SPAG16: variants seen among roughly 807,000 people sequenced by gnomAD.
SPAG16 encodes sperm associated antigen 16.
Under a neutral mutation model 80.4 loss-of-function variants are expected in SPAG16, and 86 were observed. The ratio of observed to expected loss-of-function variants is 1.07; its 90% CI spans 0.90 to 1.28. The LOEUF is 1.28. Among genes scored for constraint, SPAG16 ranks in the 50% most tolerant of loss-of-function variants. The probability of loss-of-function intolerance (pLI) is 0.00; values close to 1 mark genes in which losing one functional copy is unlikely to be tolerated. For missense variants in SPAG16, 870 were observed against 765.3 expected (o/e 1.14, Z -1.61); for synonymous variants, 294 against 265.9 (o/e 1.11, Z -1.03).
At chr2:213,587,497 C>T (rs1302573092) in intron 10 of SPAG16, among the ~76,000 whole-genome samples, 1 of 152,192 alleles carries the variant, frequency 6.6e-6, no homozygotes, top group Non-Finnish European at 1.5e-5. Context: ...TACTCTGGCC[C>T]TGTGATAGGA....
At chr2:213,392,773 G>A (rs1304689850) in intron 9 of SPAG16, among the ~76,000 whole-genome samples, 2 of 151,948 alleles carry the variant, frequency 1.3e-5, no homozygotes, top group East Asian at 1.9e-4. Flanking sequence ...TTGAACCCGG[G>A]AGGCAGAGGC....
At chr2:214,367,250 A>T (rs899969791) in intron 15 of SPAG16, among the ~76,000 whole-genome samples, 9 of 152,238 alleles carry the variant, frequency 5.9e-5, no homozygotes, top group African/African-American at 2.2e-4. Context: ...TCAAGAGTGG[A>T]AAGTTTGGAA....
chr2:214,362,438 G>C (rs1017459435), intron 15 of SPAG16, among the ~76,000 whole-genome samples: 1 of 151,884 alleles, frequency 6.6e-6, no homozygotes, highest in Non-Finnish European at 1.5e-5. Flanking sequence ...GAAAGATAAT[G>C]AACGTATATC....
chr2:213,757,664 A>G (rs2068418427), intron 10 of SPAG16, among the ~76,000 whole-genome samples: 1 of 152,080 alleles, frequency 6.6e-6, no homozygotes, highest in South Asian at 2.1e-4. Context: ...ATTTCAGTCA[A>G]TTTCAGCACT....
chr2:213,804,402 G>GC (rs2071610269), intron 10 of SPAG16, among the ~76,000 whole-genome samples: 1 of 152,178 alleles, frequency 6.6e-6, no homozygotes, highest in African/African-American at 2.4e-5. Flanking sequence ...ACATTATAAG[G>GC]GCCGGGCACT....
chr2:213,824,251 T>C (rs918927402), intron 10 of SPAG16, among the ~76,000 whole-genome samples: 3 of 152,342 alleles, frequency 2.0e-5, no homozygotes, highest in East Asian at 3.9e-4. Context: ...CTGAGGTCTC[T>C]GTTCAGCTAT....
intron 15 of SPAG16, among the ~76,000 whole-genome samples, chr2:214,252,067 T>C (rs943934350): frequency 5.3e-5 from 8 of 152,076 alleles, no homozygotes; most frequent in African/African-American, 1.4e-4. Flanking sequence ...TTATGTCTGG[T>C]CATAAAAATA....
At chr2:214,312,681 T>C (rs1293561628) in intron 15 of SPAG16, among the ~76,000 whole-genome samples, 2 of 152,152 alleles carry the variant, frequency 1.3e-5, no homozygotes, top group Non-Finnish European at 2.9e-5. Flanking sequence ...TATCACCTTA[T>C]GTATGGGGAG....
At chr2:214,124,792 T>A (rs959312968) in intron 14 of SPAG16, among the ~76,000 whole-genome samples, 1 of 151,790 alleles carries the variant, frequency 6.6e-6, no homozygotes. Context: ...GTATACCAAG[T>A]GGCTCTGCAG....
chr2:214,269,822 C>G (rs1375976273), intron 15 of SPAG16, among the ~76,000 whole-genome samples: 4 of 152,064 alleles, frequency 2.6e-5, no homozygotes, highest in Non-Finnish European at 5.9e-5. Context: ...TAAGCTGAAA[C>G]CAGAAGTCCA....
chr2:213,710,579 A>G (rs2065940363), intron 10 of SPAG16, among the ~76,000 whole-genome samples: 1 of 152,174 alleles, frequency 6.6e-6, no homozygotes, highest in South Asian at 2.1e-4. Context: ...ACTCTGAAAA[A>G]TTACTCTTAC....
At chr2:214,021,996 A>G (rs1308000224) in intron 13 of SPAG16, among the ~76,000 whole-genome samples, 1 of 151,976 alleles carries the variant, frequency 6.6e-6, no homozygotes, top group Non-Finnish European at 1.5e-5. Flanking sequence ...GGTTCACTTC[A>G]CCTTCCCTCC....
At chr2:213,791,202 T>C (rs972030097) in intron 10 of SPAG16, among the ~76,000 whole-genome samples, 4 of 152,054 alleles carry the variant, frequency 2.6e-5, no homozygotes, top group African/African-American at 9.7e-5. Flanking sequence ...TCAAGGCTTC[T>C]TTACAAATCC....
intron 10 of SPAG16, among the ~76,000 whole-genome samples, chr2:213,833,392 TGTGTGTGA>T (rs1350972153): frequency 1.8e-5 from 2 of 110,724 alleles, no homozygotes; most frequent in African/African-American, 7.1e-5. Flanking sequence ...GCATGAGGCA[TGTGTGTGA>T]ATGTGTGTGT....
In SPAG16 at chr2:214,400,853, T is replaced by G. The variant is rs752983408; in HGVS notation, c.1721-9287T>G. ...TTCCCTTCCTTCTCTGTTACCATTT[T>G]TGTGATATGAACTTCTACCAAGATA... On this transcript the variant is annotated intron_variant, in intron 15 of 15. Coordinates refer to ENST00000331683, the MANE Select transcript of SPAG16 (RefSeq NM_024532.5). 2.6e-5 allele frequency among the ~76,000 whole-genome samples: 4 copies of G among 152,150 alleles called. No individual in the cohort carries two copies. In the South Asian group the frequency reaches 6.2e-4, roughly 24 times the overall value.
chr2:214,089,444 T>C (rs888164421), intron 13 of SPAG16, among the ~76,000 whole-genome samples: 19 of 152,076 alleles, frequency 1.2e-4, no homozygotes, highest in African/African-American at 4.3e-4. Flanking sequence ...TCATTCTCCT[T>C]GTTTATTATA....
intron 15 of SPAG16, among the ~76,000 whole-genome samples, chr2:214,285,145 C>G (rs1167786194): frequency 6.6e-6 from 1 of 151,990 alleles, no homozygotes; most frequent in Non-Finnish European, 1.5e-5. Context: ...TATCTTTTAT[C>G]TTTTTGATAA....
chr2:213,369,118 A>C (rs1409128355), intron 8 of SPAG16, among the ~76,000 whole-genome samples: 1 of 152,214 alleles, frequency 6.6e-6, no homozygotes, highest in Non-Finnish European at 1.5e-5. Context: ...GTATCCAATA[A>C]AAATATCCTT....
chr2:214,008,605 T>C (rs944935200), intron 12 of SPAG16, among the ~76,000 whole-genome samples: 1 of 152,082 alleles, frequency 6.6e-6, no homozygotes, highest in Non-Finnish European at 1.5e-5. Flanking sequence ...ATCAGCCTGG[T>C]GTGCTGGCAC....
Sources: gnomAD v4.1 joint callset for allele counts (sites outside exome capture counted in the v4.1 genomes callset) on GRCh38, gnomAD v4.1.1 for gene constraint, MANE v1.5 for transcripts, NCBI Gene and HGNC (gene_info 2026-07-23, HGNC 2026-07-21) for gene names.